GPHN: variants seen among roughly 807,000 people sequenced by gnomAD.
GPHN encodes gephyrin.
In GPHN, 17 loss-of-function variants were observed where a neutral mutation model predicts 95.5. The observed-to-expected ratio is 0.18, with a 90% CI of 0.12 to 0.27. GPHN has a LOEUF of 0.27. Ranked by LOEUF, GPHN falls within the 10% of genes least tolerant of loss-of-function variation. GPHN has a pLI of 1.00. For synonymous variants in GPHN, 320 were observed against 322.5 expected (o/e 0.99, Z 0.08); for missense variants, 660 against 978.1 (o/e 0.67, Z 4.34).
the GPHN span, among the ~76,000 whole-genome samples, chr14:67,262,215 A>T: frequency 6.6e-6 from 1 of 152,312 alleles, no homozygotes; most frequent in South Asian, 2.1e-4. Context: ...CAAATGTAAG[A>T]TATAAGTATG....
chr14:66,524,244 AGTGAT>A (rs1375911598), intron 1 of GPHN, among the ~76,000 whole-genome samples: 1 of 152,164 alleles, frequency 6.6e-6, no homozygotes, highest in Non-Finnish European at 1.5e-5. Flanking sequence ...AGGGTGGTAA[AGTGAT>A]AGTAAAATAA....
intron 10 of GPHN, among the ~76,000 whole-genome samples, chr14:67,052,317 T>G (rs558212057): frequency 1.3e-5 from 2 of 148,310 alleles, no homozygotes; most frequent in African/African-American, 2.5e-5. Flanking sequence ...AGTGTTAAAG[T>G]CTTACAAAAC....
the GPHN span, chr14:67,735,081 T>C: frequency 2.8e-6 from 2 of 720,058 alleles, no homozygotes; most frequent in East Asian, 2.6e-5. Context: ...ACACCAAATA[T>C]CGGGAAGCTG....
At chr14:67,429,997 A>G in the GPHN span, among the ~76,000 whole-genome samples, 8 of 152,248 alleles carry the variant, frequency 5.3e-5, no homozygotes, top group African/African-American at 1.9e-4. Context: ...ACTGTGGAGC[A>G]GATGGTACCC....
chr14:67,513,875 G>A, the GPHN span, among the ~76,000 whole-genome samples: 265 of 152,320 alleles, frequency 1.7e-3, no homozygotes, highest in African/African-American at 6.1e-3. Flanking sequence ...AAGGCACCTT[G>A]TTCCTGGAGA....
intron 1 of GPHN, among the ~76,000 whole-genome samples, chr14:66,621,749 G>T (rs959887357): frequency 1.3e-5 from 2 of 152,132 alleles, no homozygotes; most frequent in African/African-American, 4.8e-5. Context: ...GCTCCAAAAT[G>T]ATCTCCTTTG....
chr14:67,392,428 C>G, the GPHN span: 1 of 1,608,860 alleles, frequency 6.2e-7, no homozygotes, highest in East Asian at 2.2e-5. Context: ...AGCTCTCAGC[C>G]TAGGGGGAAG....
chr14:67,659,787 G>C, the GPHN span: 20 of 1,613,876 alleles, frequency 1.2e-5, no homozygotes, highest in Admixed American at 3.3e-5. Context: ...CGGCCTCCAG[G>C]TGTGGCTGTC....
intron 16 of GPHN, among the ~76,000 whole-genome samples, 175 bp downstream of exon 16, chr14:67,113,346 A>G (rs1171261557): frequency 6.6e-6 from 1 of 152,226 alleles, no homozygotes; most frequent in Non-Finnish European, 1.5e-5. Context: ...AGTTCAGAAT[A>G]TGAGAACAAA....
chr14:66,785,220 T>G (rs112259893), intron 3 of GPHN, among the ~76,000 whole-genome samples: 2,340 of 152,100 alleles, frequency 0.015, 32 homozygotes, highest in Non-Finnish European at 0.018. Flanking sequence ...TACAGGAATA[T>G]CCAGGCATGG....
chr14:66,598,253 G>GC, intron 1 of GPHN, among the ~76,000 whole-genome samples: 1 of 152,238 alleles, frequency 6.6e-6, no homozygotes, highest in Non-Finnish European at 1.5e-5. Context: ...TTTGAAAATT[G>GC]CTAAGACAGT....
the GPHN span, among the ~76,000 whole-genome samples, chr14:67,375,880 T>C: frequency 4.6e-5 from 7 of 152,198 alleles, no homozygotes; most frequent in Admixed American, 2.6e-4. Context: ...AAAATGAGTG[T>C]GTTAATAGAT....
chr14:67,539,319 A>C, the GPHN span, among the ~76,000 whole-genome samples: 1 of 152,094 alleles, frequency 6.6e-6, no homozygotes, highest in Non-Finnish European at 1.5e-5. Context: ...AGTTGGTCCT[A>C]GTCTTTTGAG....
chr14:67,508,752 T>TAAAAAAAAAAAAAAAAA, the GPHN span, among the ~76,000 whole-genome samples: 1 of 18,866 alleles, frequency 5.3e-5, no homozygotes, highest in Non-Finnish European at 1.7e-4. Context: ...AAACCTTGTC[T>TAAAAAAAAAAAAAAAAA]CAAAAAAAAA....
At chr14:67,642,157 T>C in the GPHN span, 43 of 1,608,272 alleles carry the variant, frequency 2.7e-5, no homozygotes, top group East Asian at 9.6e-4. Context: ...CACAGAAAAT[T>C]CATCTTGTCA....
the GPHN span, chr14:67,199,167 G>A: frequency 1.3e-6 from 2 of 1,599,876 alleles, no homozygotes; most frequent in East Asian, 2.2e-5. Flanking sequence ...GTTTCTCCAG[G>A]CTGGACCAGT....
At chr14:67,416,298 T>C in the GPHN span, among the ~76,000 whole-genome samples, 1 of 152,210 alleles carries the variant, frequency 6.6e-6, no homozygotes, top group Non-Finnish European at 1.5e-5. Context: ...GGCTGAGCCC[T>C]GCTACCTGGG....
Position 67,144,250 on chromosome 14 carries a change from A to AATATAT in GPHN, c.1836+833_1836+838dup, listed in dbSNP as rs71129810. On this transcript the variant is annotated intron_variant, in intron 18 of 22. Coordinates refer to ENST00000478722, the MANE Select transcript of GPHN (RefSeq NM_020806.5). ...AGACCCTGTCTTAAAAAAAAAAAAA[A>AATATAT]ATATATATATATATATATATATATA... 6.0e-3 allele frequency among the ~76,000 whole-genome samples: 347 copies of AATATAT among 57,680 alleles called. 1 individual carries two copies. The highest frequency in any genetic ancestry group is 7.5e-3 in the South Asian group (10 of 1,332). 37.8% of individuals were successfully genotyped at this position (57,680 alleles called of 152,430 possible). A position where few individuals can be genotyped will look rare whatever the true frequency, so the allele number is the denominator to read the frequency against.
intron 1 of GPHN, among the ~76,000 whole-genome samples, chr14:66,604,110 C>G (rs1305853101): frequency 6.6e-6 from 1 of 151,904 alleles, no homozygotes; most frequent in African/African-American, 2.4e-5. Flanking sequence ...GCATTTTATC[C>G]TATTTTATAC....
Sources: gnomAD v4.1 joint callset for allele counts (sites outside exome capture counted in the v4.1 genomes callset) on GRCh38, gnomAD v4.1.1 for gene constraint, MANE v1.5 for transcripts, NCBI Gene and HGNC (gene_info 2026-07-23, HGNC 2026-07-21) for gene names.